The following OC90 variants were observed in gnomAD, a reference collection of about 807,000 sequenced individuals.
The protein encoded by OC90 is otoconin 90.
OC90 carries 46 observed loss-of-function variants against 47.3 expected under a neutral mutation model. The observed-to-expected ratio is 0.97, with a 90% confidence interval of 0.77 to 1.24. The LOEUF is 1.24. Among genes scored for constraint, OC90 ranks in the 50% most tolerant of loss-of-function variants. OC90 has a pLI of 0.00. For synonymous variants in OC90, 271 were observed against 219.5 expected (o/e 1.23, Z -2.07); for missense variants, 688 against 583.9 (o/e 1.18, Z -1.84).
intron 1 of OC90, among the ~76,000 whole-genome samples, chr8:132,058,487 G>A (rs556066643): frequency 6.6e-6 from 1 of 152,320 alleles, no homozygotes; most frequent in African/African-American, 2.4e-5. Flanking sequence ...CCGGTCTCAT[G>A]GCTGCATAGC....
At chr8:132,038,326 G>T (rs1822999319) in intron 8 of OC90, among the ~76,000 whole-genome samples, 1 of 152,184 alleles carries the variant, frequency 6.6e-6, no homozygotes, top group Non-Finnish European at 1.5e-5. Context: ...TGCCCCTTTT[G>T]CTGCAGGCGC....
In OC90 at chr8:132,037,502, G is replaced by A. The variant is rs557396199; in HGVS notation, c.629-14C>T. 1.1e-4 allele frequency: 166 copies of A among 1,570,008 alleles called. 3 individuals are homozygous for A. The South Asian group carries it at 1.5e-3, about 14-fold the overall frequency. ...CCACAGGAACCACTGGAAAAAGAGA[G>A]TTCCCAATAGCAGTGACTCATGCAA... On this transcript the variant is annotated splice_polypyrimidine_tract_variant and intron_variant, in intron 8 of 13. Transcript: ENST00000254627.
intron 9 of OC90, among the ~76,000 whole-genome samples, chr8:132,036,872 C>G (rs149786294): frequency 1.6e-3 from 242 of 152,358 alleles, no homozygotes; most frequent in African/African-American, 5.3e-3. Context: ...TTTAAGCAAG[C>G]TGCCCAGTAT....
intron 9 of OC90, among the ~76,000 whole-genome samples, chr8:132,036,571 T>C (rs1822967990): frequency 1.3e-5 from 2 of 152,224 alleles, no homozygotes; most frequent in South Asian, 4.1e-4. Context: ...CACCAAGGTC[T>C]CAATTCAGTA....
chr8:132,038,770 C>A lies in OC90; in HGVS notation c.628+20G>T. The A allele has an allele frequency of 6.2e-7, 1 of 1,610,732 alleles. No homozygotes were observed. Among genetic ancestry groups the A allele is most frequent in the Non-Finnish European group, 8.5e-7 (1 of 1,177,474 alleles). ...CTGGGCCCTTGTGGTTCAAGAGCCACCAACCCTGGGAGGCCTTACCTCTGG... is the reference window on the plus strand; with the variant it reads ...CTGGGCCCTTGTGGTTCAAGAGCCAACAACCCTGGGAGGCCTTACCTCTGG... On this transcript the variant is annotated intron_variant, in intron 8 of 13. Transcript: ENST00000254627.
intron 11 of OC90, among the ~76,000 whole-genome samples, chr8:132,032,302 A>G (rs1482748563): frequency 6.6e-6 from 1 of 152,132 alleles, no homozygotes; most frequent in Non-Finnish European, 1.5e-5. Flanking sequence ...TCCTTATTAA[A>G]TCCCCTTAAG....
chr8:132,045,851 G>A lies in OC90; in HGVS notation c.79C>T (p.Gln27Ter). 6.5e-7 allele frequency: 1 copy of A among 1,546,386 alleles called. No homozygotes were observed. The change falls in exon 3 of 14, where the codon CAG becomes TAG. Residue 27 changes from glutamine to a stop codon, truncating the protein, a stop_gained. Coordinates refer to ENST00000254627, the MANE Select transcript of OC90 (RefSeq NM_001080399.3). LOFTEE classifies it high-confidence loss of function. Reference protein sequence around the residue: ...GHPLDTPHLPQELPPGLPNNI... With the variant: ...GHPLDTPHLP Reference sequence around the variant, plus strand: ...TTTGGGAGTCCTGGAGGCAGCTCCTGTGGAAGATGTGGAGTGTCCAGAGGA... The same window carrying A: ...TTTGGGAGTCCTGGAGGCAGCTCCTATGGAAGATGTGGAGTGTCCAGAGGA...
At chr8:132,042,176 T>G (rs1252201801) in intron 4 of OC90, among the ~76,000 whole-genome samples, 1 of 152,192 alleles carries the variant, frequency 6.6e-6, no homozygotes, top group Non-Finnish European at 1.5e-5. Context: ...GATGAGGATG[T>G]GCTAGCTGGA....
At chr8:132,056,931 C>T (rs1173658231) in intron 1 of OC90, among the ~76,000 whole-genome samples, 2 of 152,144 alleles carry the variant, frequency 1.3e-5, no homozygotes, top group East Asian at 1.9e-4. Context: ...TGGGATCTTC[C>T]AGTCCAAGCT....
intron 8 of OC90, among the ~76,000 whole-genome samples, chr8:132,037,841 G>T (rs949639026): frequency 6.6e-6 from 1 of 152,164 alleles, no homozygotes; most frequent in African/African-American, 2.4e-5. Flanking sequence ...TAAAAACAGT[G>T]CTGGACTCAG....
At chr8:132,044,147 C>T (rs1823098656) in intron 4 of OC90, among the ~76,000 whole-genome samples, 1 of 152,202 alleles carries the variant, frequency 6.6e-6, no homozygotes, top group African/African-American at 2.4e-5. Flanking sequence ...CAACTCCCTT[C>T]GGTTGAGTTT....
Position 132,045,891 on chromosome 8 carries a change from T to C in OC90, c.47-8A>G. ...TGTCCAGAGGATGGCCTCCTATAAA[T>C]AAGGAAGAGAAAGTAGGGTAAGCAC... On this transcript the variant is annotated splice_region_variant and splice_polypyrimidine_tract_variant and intron_variant, in intron 2 of 13. Transcript: ENST00000254627. 6.6e-7 allele frequency: 1 copy of C among 1,519,114 alleles called. No homozygotes were observed. The highest frequency in any genetic ancestry group is 8.9e-7 in the Non-Finnish European group (1 of 1,117,500). 94.1% of individuals were successfully genotyped at this position (1,519,114 alleles called of 1,614,324 possible).
At chr8:132,052,922 G>A (rs901728934) in intron 2 of OC90, among the ~76,000 whole-genome samples, 3 of 151,662 alleles carry the variant, frequency 2.0e-5, no homozygotes, top group East Asian at 1.9e-4. Flanking sequence ...CACCCGGTAC[G>A]TACGGCTTTC....
chr8:132,043,349 A>G (rs569695921), intron 4 of OC90, among the ~76,000 whole-genome samples: 6 of 152,380 alleles, frequency 3.9e-5, no homozygotes, highest in African/African-American at 1.4e-4. Context: ...CATAGTAAGT[A>G]AACTTGCTTT....
intron 9 of OC90, among the ~76,000 whole-genome samples, chr8:132,036,595 A>T (rs1822968408): frequency 6.6e-6 from 1 of 152,238 alleles, no homozygotes. Flanking sequence ...AAGGGGCCAG[A>T]CTAGAGCCAG....
chr8:132,052,355 T>A (rs1397796052), intron 2 of OC90, among the ~76,000 whole-genome samples: 1 of 152,244 alleles, frequency 6.6e-6, no homozygotes, highest in Non-Finnish European at 1.5e-5. Flanking sequence ...ATCAGCGTAA[T>A]AACCAGCAGC....
chr8:132,045,431 C>T (rs1397841499), intron 3 of OC90, among the ~76,000 whole-genome samples: 1 of 152,164 alleles, frequency 6.6e-6, no homozygotes, highest in East Asian at 1.9e-4. Flanking sequence ...ATGGATCCTC[C>T]TTTTTTACAA....
At chr8:132,051,195 G>A (rs1300219368) in intron 2 of OC90, among the ~76,000 whole-genome samples, 2 of 152,096 alleles carry the variant, frequency 1.3e-5, no homozygotes, top group East Asian at 3.8e-4. Flanking sequence ...CTGCTATCTG[G>A]GATTCCTGAA....
At chr8:132,042,466 C>A (rs184141123) in intron 4 of OC90, among the ~76,000 whole-genome samples, 5 of 152,270 alleles carry the variant, frequency 3.3e-5, no homozygotes, top group Non-Finnish European at 5.9e-5. Flanking sequence ...GGGGTCCCAA[C>A]AATCCCCTCA....
Sources: gnomAD v4.1 joint callset for allele counts (sites outside exome capture counted in the v4.1 genomes callset) on GRCh38, gnomAD v4.1.1 for gene constraint, MANE v1.5 for transcripts, NCBI Gene and HGNC (gene_info 2026-07-23, HGNC 2026-07-21) for gene names.